The following DGKB variants were observed in gnomAD, a reference collection of about 807,000 sequenced individuals.
DGKB encodes the protein diacylglycerol kinase beta.
DGKB carries 67 observed loss-of-function variants against 114.3 expected under a neutral mutation model. That is an observed-to-expected ratio of 0.59 (90% CI 0.48 to 0.72). DGKB has a LOEUF of 0.72. DGKB is among the 30% of genes least tolerant of loss of function. The pLI is 0.00. For synonymous variants in DGKB, 398 were observed against 323.1 expected (o/e 1.23, Z -2.49); for missense variants, 907 against 975.2 (o/e 0.93, Z 0.93).
intron 17 of DGKB, among the ~76,000 whole-genome samples, chr7:14,590,379 G>A (rs1208818391): frequency 2.0e-5 from 3 of 151,922 alleles, no homozygotes; most frequent in Non-Finnish European, 2.9e-5. Flanking sequence ...ATTTCCCACC[G>A]AGCTAACTGT....
intron 2 of DGKB, among the ~76,000 whole-genome samples, chr7:14,774,707 A>T (rs969387097): frequency 1.3e-5 from 2 of 152,214 alleles, no homozygotes; most frequent in African/African-American, 2.4e-5. Flanking sequence ...GTTAATAAAG[A>T]CAGATGGTGA....
chr7:14,797,738 G>C (rs1404854435), intron 2 of DGKB, among the ~76,000 whole-genome samples: 2 of 152,048 alleles, frequency 1.3e-5, no homozygotes, highest in Admixed American at 1.3e-4. Flanking sequence ...GAGAGGAAGG[G>C]AGTAGCATCC....
At chr7:14,341,679 G>C (rs1400554295) in intron 22 of DGKB, among the ~76,000 whole-genome samples, 3 of 151,794 alleles carry the variant, frequency 2.0e-5, no homozygotes, top group African/African-American at 7.2e-5. Flanking sequence ...ATAATTAAAA[G>C]AAAAGAAGAC....
At chr7:14,219,547 A>G (rs908858551) in intron 23 of DGKB, among the ~76,000 whole-genome samples, 4 of 151,788 alleles carry the variant, frequency 2.6e-5, no homozygotes, top group African/African-American at 9.7e-5. Context: ...GCTGATTAGT[A>G]TCTCTTCTAT....
intron 23 of DGKB, among the ~76,000 whole-genome samples, chr7:14,331,659 A>G (rs1809739320): frequency 6.6e-6 from 1 of 152,048 alleles, no homozygotes; most frequent in East Asian, 1.9e-4. Flanking sequence ...AGCACTCACC[A>G]CCAGTGAGCT....
chr7:14,630,356 G>C (rs546572861), intron 13 of DGKB, 88 bp from the exon 14 acceptor site: 28 of 876,622 alleles, frequency 3.2e-5, no homozygotes, highest in Non-Finnish European at 4.4e-5. Flanking sequence ...TTACATGCCT[G>C]TGAAATAAAT....
intron 2 of DGKB, among the ~76,000 whole-genome samples, chr7:14,781,311 A>G (rs1258963290): frequency 6.6e-6 from 1 of 152,214 alleles, no homozygotes; most frequent in East Asian, 1.9e-4. Context: ...CAGTATTCAC[A>G]TTCTGGGTCC....
At chr7:14,421,956 A>G (rs1826784332) in intron 21 of DGKB, among the ~76,000 whole-genome samples, 1 of 152,202 alleles carries the variant, frequency 6.6e-6, no homozygotes, top group South Asian at 2.1e-4. Flanking sequence ...ACTGGGCCAT[A>G]AAAATTCACT....
At chr7:14,298,644 T>G (rs1802988302) in intron 23 of DGKB, among the ~76,000 whole-genome samples, 1 of 152,114 alleles carries the variant, frequency 6.6e-6, no homozygotes, top group African/African-American at 2.4e-5. Flanking sequence ...AAAGACTGCA[T>G]GACTAAAACA....
chr7:14,312,352 T>A (rs1040600566), intron 23 of DGKB, among the ~76,000 whole-genome samples: 11 of 152,174 alleles, frequency 7.2e-5, no homozygotes, highest in Non-Finnish European at 1.3e-4. Flanking sequence ...TTTATACGCA[T>A]TGTGTTAACA....
At chr7:14,210,654 A>T (rs1037339544) in intron 23 of DGKB, among the ~76,000 whole-genome samples, 1 of 152,010 alleles carries the variant, frequency 6.6e-6, no homozygotes, top group African/African-American at 2.4e-5. Context: ...CGCAACATCA[A>T]ATCTCACATG....
chr7:14,324,413 C>T (rs942597359), intron 23 of DGKB, among the ~76,000 whole-genome samples: 1 of 147,026 alleles, frequency 6.8e-6, no homozygotes, highest in Non-Finnish European at 1.5e-5. Context: ...CACCACCGCA[C>T]TCCAGCCTGG....
At chr7:14,815,592 T>C (rs1462353171) in intron 2 of DGKB, among the ~76,000 whole-genome samples, 1 of 152,232 alleles carries the variant, frequency 6.6e-6, no homozygotes, top group Non-Finnish European at 1.5e-5. Context: ...ACCAGAGATC[T>C]GACAAAGAGT....
chr7:14,620,696 C>T (rs1417973670), intron 15 of DGKB, among the ~76,000 whole-genome samples: 3 of 151,532 alleles, frequency 2.0e-5, no homozygotes, highest in African/African-American at 7.3e-5. Flanking sequence ...GTAAGAAACA[C>T]AGGTAAAAAA....
At chr7:14,764,730 A>G (rs1836210137) in intron 2 of DGKB, among the ~76,000 whole-genome samples, 1 of 151,680 alleles carries the variant, frequency 6.6e-6, no homozygotes, top group Admixed American at 6.6e-5. Flanking sequence ...ATTTTGTCTG[A>G]TTGCTACACG....
chr7:14,504,421 G>A (rs1029672004), intron 20 of DGKB, among the ~76,000 whole-genome samples: 22 of 152,072 alleles, frequency 1.4e-4, no homozygotes, highest in Non-Finnish European at 2.6e-4. Flanking sequence ...CTTCTTATCC[G>A]GACTCATTAA....
intron 21 of DGKB, among the ~76,000 whole-genome samples, chr7:14,358,407 C>T (rs4621694): frequency 0.038 from 5,853 of 152,174 alleles, 356 homozygotes; most frequent in African/African-American, 0.12. Context: ...GCATGCCTCA[C>T]GTAGTTCTCG....
intron 13 of DGKB, among the ~76,000 whole-genome samples, chr7:14,633,190 G>C (rs1810075488): frequency 6.6e-6 from 1 of 151,838 alleles, no homozygotes; most frequent in Non-Finnish European, 1.5e-5. Flanking sequence ...TGGCAGAGAG[G>C]TGGTACAATG....
chr7:14,888,736 T>A (rs970449535), intron 1 of DGKB, among the ~76,000 whole-genome samples: 2 of 151,736 alleles, frequency 1.3e-5, no homozygotes, highest in African/African-American at 2.4e-5. Context: ...GTTTTGTATA[T>A]CTGAAAATTG....
Sources: gnomAD v4.1 joint callset for allele counts (sites outside exome capture counted in the v4.1 genomes callset) on GRCh38, gnomAD v4.1.1 for gene constraint, MANE v1.5 for transcripts, NCBI Gene and HGNC (gene_info 2026-07-23, HGNC 2026-07-21) for gene names.